The following DLGAP2 variants were observed in gnomAD, a reference collection of about 807,000 sequenced individuals.
DLGAP2 encodes DLG associated protein 2.
In DLGAP2, 26 loss-of-function variants were observed where a neutral mutation model predicts 100.3. The ratio of observed to expected loss-of-function variants is 0.26; its 90% confidence interval spans 0.19 to 0.36. The LOEUF is 0.36. Ranked by LOEUF, DLGAP2 falls within the 10% of genes least tolerant of loss-of-function variation. The pLI, the probability that DLGAP2 is intolerant of heterozygous loss-of-function variation, is 1.00. For missense variants in DLGAP2, 1,858 were observed against 1,453.2 expected (o/e 1.28, Z -4.53); for synonymous variants, 886 against 630.1 (o/e 1.41, Z -6.08).
intron 14 of DLGAP2, among the ~76,000 whole-genome samples, chr8:1,697,730 A>C (rs1467946522): frequency 5.9e-5 from 9 of 152,368 alleles, no homozygotes. Flanking sequence ...CTCCTATTCA[A>C]TATACCTTCT....
intron 2 of DLGAP2, among the ~76,000 whole-genome samples, chr8:1,045,968 G>T (rs1563162819): frequency 2.0e-5 from 3 of 152,170 alleles, no homozygotes; most frequent in Admixed American, 2.0e-4. Context: ...AGTGAAGGGG[G>T]CAAGAGGTAA....
intron 6 of DLGAP2, among the ~76,000 whole-genome samples, chr8:1,602,637 C>T (rs1018959518): frequency 3.9e-5 from 6 of 152,340 alleles, no homozygotes; most frequent in Admixed American, 3.3e-4. Flanking sequence ...GACCCTCTAC[C>T]AGCTCAGAGA....
intron 3 of DLGAP2, among the ~76,000 whole-genome samples, chr8:1,423,478 C>T (rs1358509245): frequency 2.6e-5 from 4 of 152,254 alleles, no homozygotes; most frequent in Non-Finnish European, 5.9e-5. Flanking sequence ...CTCCATACCG[C>T]TCCATGCACT....
At chr8:1,056,358 G>T (rs1229488527) in intron 2 of DLGAP2, among the ~76,000 whole-genome samples, 1 of 152,112 alleles carries the variant, frequency 6.6e-6, no homozygotes, top group Non-Finnish European at 1.5e-5. Context: ...CTCCAGCTCT[G>T]TGTGTCCTCT....
intron 2 of DLGAP2, among the ~76,000 whole-genome samples, chr8:1,198,360 G>A (rs544565334): frequency 6.4e-4 from 98 of 152,278 alleles, no homozygotes; most frequent in Middle Eastern, 3.4e-3. Context: ...GTCGTGGGGC[G>A]TCACGCATGT....
chr8:1,225,885 C>G (rs1049065277), intron 2 of DLGAP2, among the ~76,000 whole-genome samples: 1 of 152,120 alleles, frequency 6.6e-6, no homozygotes, highest in South Asian at 2.1e-4. Context: ...TTGATTTAGC[C>G]ATTCCGTAAT....
intron 3 of DLGAP2, among the ~76,000 whole-genome samples, chr8:1,287,058 G>A (rs1406699957): frequency 6.6e-6 from 1 of 152,152 alleles, no homozygotes; most frequent in Non-Finnish European, 1.5e-5. Context: ...GTGTGTACAT[G>A]GTTCTATTAG....
At chr8:1,309,589 C>T (rs982888716) in intron 3 of DLGAP2, among the ~76,000 whole-genome samples, 3 of 152,262 alleles carry the variant, frequency 2.0e-5, no homozygotes, top group South Asian at 4.1e-4. Flanking sequence ...GAAAGGGAAC[C>T]TTGCAGATTG....
chr8:1,439,286 A>G (rs1311618881), intron 3 of DLGAP2, among the ~76,000 whole-genome samples: 6 of 152,184 alleles, frequency 3.9e-5, no homozygotes, highest in Non-Finnish European at 7.3e-5. Context: ...AGGGAAGGGA[A>G]GGAGGGACAG....
intron 4 of DLGAP2, among the ~76,000 whole-genome samples, chr8:1,505,134 TCTC>T (rs1238711130): frequency 2.0e-5 from 3 of 152,188 alleles, no homozygotes; most frequent in Non-Finnish European, 4.4e-5. Context: ...AGTGTTCCAA[TCTC>T]CTCATCTTTA....
At chr8:1,073,889 A>G (rs1395409851) in intron 2 of DLGAP2, among the ~76,000 whole-genome samples, 1 of 152,238 alleles carries the variant, frequency 6.6e-6, no homozygotes, top group Admixed American at 6.5e-5. Context: ...CTTCAGACTG[A>G]GACTGAACTC....
rs1211106075 is a variant in DLGAP2 at position 1,288,273 on chromosome 8, G to A, written c.106+29390G>A. On this transcript the variant is annotated intron_variant, in intron 3 of 14. Coordinates refer to ENST00000637795, the MANE Select transcript of DLGAP2 (RefSeq NM_001346810.2). Reference sequence around the variant, plus strand: ...TGTGTGTGTGTGGTTGTTAGGAGGGGAACTTGTTTTGGTTCAGCGTGTGTG... The same window carrying A: ...TGTGTGTGTGTGGTTGTTAGGAGGGAAACTTGTTTTGGTTCAGCGTGTGTG... Among the ~76,000 whole-genome samples, 709 of 141,794 alleles carry A rather than the reference G, an allele frequency of 5.0e-3. 9 individuals are homozygous for A. Among genetic ancestry groups the A allele is most frequent in the African/African-American group, 0.017 (644 of 37,626 alleles). 93.0% of individuals were successfully genotyped at this position (141,794 alleles called of 152,430 possible).
chr8:1,073,653 G>C (rs555047370), intron 2 of DLGAP2, among the ~76,000 whole-genome samples: 90 of 152,326 alleles, frequency 5.9e-4, no homozygotes, highest in African/African-American at 2.0e-3. Flanking sequence ...GCAAAGCCCT[G>C]CACAGAGGAG....
chr8:1,281,596 C>T lies in DLGAP2; in HGVS notation c.106+22713C>T, dbSNP rs76700127. On this transcript the variant is annotated intron_variant, in intron 3 of 14. Transcript: ENST00000637795. ...ACCCAGGGTTGACCAGTTTTGAGCCCGTCCTCATTCTCATTGGGGAGCTGT... is the reference window on the plus strand; with the variant it reads ...ACCCAGGGTTGACCAGTTTTGAGCCTGTCCTCATTCTCATTGGGGAGCTGT... Among the ~76,000 whole-genome samples, 55 of 152,250 alleles carry T rather than the reference C, an allele frequency of 3.6e-4. No homozygotes were observed. In the East Asian group the frequency reaches 8.5e-3, roughly 24 times the overall value.
chr8:1,465,551 C>T (rs1425200667), intron 3 of DLGAP2, among the ~76,000 whole-genome samples: 4 of 152,154 alleles, frequency 2.6e-5, no homozygotes, highest in Non-Finnish European at 5.9e-5. Context: ...AGGGAAGGGG[C>T]ATGGAGTTTC....
chr8:968,447 C>A (rs536861983), intron 2 of DLGAP2, among the ~76,000 whole-genome samples: 7 of 152,278 alleles, frequency 4.6e-5, no homozygotes, highest in Admixed American at 3.9e-4. Flanking sequence ...AACTCCAGAG[C>A]CTGTGCCTCC....
In DLGAP2 at chr8:1,584,123, T is replaced by G. The variant is rs1796038698; in HGVS notation, c.1442+18229T>G. On this transcript the variant is annotated intron_variant, in intron 6 of 14. Transcript: ENST00000637795. ...TCTCATTTATCATTGCCATTGCGCCTTCACTGTGAGGCATTATATGTGCTC... is the reference window on the plus strand; with the variant it reads ...TCTCATTTATCATTGCCATTGCGCCGTCACTGTGAGGCATTATATGTGCTC... Among the ~76,000 whole-genome samples the G allele has an allele frequency of 1.3e-5, 2 of 152,166 alleles. 1 individual carries two copies. The highest frequency in any genetic ancestry group is 4.1e-4 in the South Asian group (2 of 4,826).
chr8:1,569,265 T>G (rs996391547), intron 6 of DLGAP2, among the ~76,000 whole-genome samples: 2 of 152,292 alleles, frequency 1.3e-5, no homozygotes, highest in African/African-American at 4.8e-5. Flanking sequence ...CCAGGATTTA[T>G]CACTCCATTG....
chr8:1,233,671 A>G (rs1365756539), intron 2 of DLGAP2, among the ~76,000 whole-genome samples: 4 of 152,150 alleles, frequency 2.6e-5, no homozygotes, highest in Non-Finnish European at 5.9e-5. Flanking sequence ...TTAGTTACTG[A>G]TAGATGATCT....
Sources: gnomAD v4.1 joint callset for allele counts (sites outside exome capture counted in the v4.1 genomes callset) on GRCh38, gnomAD v4.1.1 for gene constraint, MANE v1.5 for transcripts, NCBI Gene and HGNC (gene_info 2026-07-23, HGNC 2026-07-21) for gene names.